The following PCMT1 variants were observed in gnomAD, a reference collection of about 807,000 sequenced individuals.
PCMT1 encodes the protein protein-L-isoaspartate(D-aspartate) O-methyltransferase.
A neutral mutation model predicts 29.2 loss-of-function variants in PCMT1; 9 were observed. The ratio of observed to expected loss-of-function variants is 0.31; its 90% confidence interval spans 0.19 to 0.54. The LOEUF is 0.54. PCMT1 is among the 20% of genes least tolerant of loss of function. The probability of loss-of-function intolerance (pLI) is 0.95; values close to 1 mark genes in which losing one functional copy is unlikely to be tolerated. For missense variants in PCMT1, 184 were observed against 282.2 expected, an observed-to-expected ratio of 0.65 and a Z score of 2.49; for synonymous variants, 98 against 97.5, an observed-to-expected ratio of 1.00 and a Z score of -0.03.
intron 3 of PCMT1, among the ~76,000 whole-genome samples, chr6:149,778,013 A>T (rs192169941): frequency 4.9e-4 from 73 of 150,272 alleles, no homozygotes; most frequent in African/African-American, 1.6e-3. Context: ...GATAGCTGGG[A>T]TTACAGATAT....
At chr6:149,804,918 T>G (rs1045523252) in intron 7 of PCMT1, among the ~76,000 whole-genome samples, 1 of 152,128 alleles carries the variant, frequency 6.6e-6, no homozygotes, top group Non-Finnish European at 1.5e-5. Context: ...TGAATCCACC[T>G]TTGATAAAAC....
intron 3 of PCMT1, among the ~76,000 whole-genome samples, chr6:149,778,606 T>C (rs1009535404): frequency 6.6e-5 from 10 of 152,106 alleles, no homozygotes; most frequent in African/African-American, 2.4e-4. Flanking sequence ...AGCATGATGA[T>C]GGCCCACTGC....
chr6:149,775,229 T>C (rs1274755381), intron 3 of PCMT1, among the ~76,000 whole-genome samples: 2 of 152,282 alleles, frequency 1.3e-5, no homozygotes, highest in East Asian at 3.9e-4. Context: ...AAATTCTATA[T>C]GTATTTATAG....
chr6:149,795,308 A>G lies in PCMT1; in HGVS notation c.419-1107A>G, dbSNP rs569196252. ...CCTTGTTCTCCAAAAGCCTCTCCAG[A>G]TGGTTCCATTAGCAGTACTGGGAAC... On this transcript the variant is annotated intron_variant, in intron 5 of 7. Coordinates refer to ENST00000464889, the MANE Select transcript of PCMT1 (RefSeq NM_001360452.2). 7.7e-5 allele frequency: 30 copies of G among 388,996 alleles called. 1 individual carries two copies. The highest frequency in any genetic ancestry group is 7.2e-4 in the South Asian group (29 of 40,288). 24.1% of individuals were successfully genotyped at this position (388,996 alleles called of 1,614,324 possible).
chr6:149,787,928 G>T (rs975601432), intron 3 of PCMT1, among the ~76,000 whole-genome samples: 16 of 151,290 alleles, frequency 1.1e-4, no homozygotes, highest in Non-Finnish European at 1.6e-4. Context: ...AACTTTTTTT[G>T]AGATGGAGTC....
intron 3 of PCMT1, among the ~76,000 whole-genome samples, chr6:149,777,794 ACTTT>A (rs915606427): frequency 3.5e-4 from 52 of 147,550 alleles, no homozygotes; most frequent in African/African-American, 1.1e-3. Flanking sequence ...GCTTTCTTTG[ACTTT>A]CTTTCTTTGT....
In PCMT1 at chr6:149,761,481, A is replaced by G. The variant is rs114787059; in HGVS notation, c.56-9681A>G. Among the ~76,000 whole-genome samples the G allele has an allele frequency of 8.1e-3, 1,231 of 152,214 alleles. 17 individuals are homozygous for G. Among genetic ancestry groups the G allele is most frequent in the African/African-American group, 0.028 (1,172 of 41,528 alleles). ...TTTTGGTTCTTGTGATTATCTTCAT[A>G]TCTCTAAATCATATGCTTAAACTGA... is the stretch of plus-strand genomic sequence containing the variant. On this transcript the variant is annotated intron_variant, in intron 1 of 7. Coordinates refer to ENST00000464889, the MANE Select transcript of PCMT1 (RefSeq NM_001360452.2).
intron 6 of PCMT1, chr6:149,797,478 A>G (rs1788662929): frequency 6.6e-6 from 1 of 151,754 alleles, no homozygotes; most frequent in Non-Finnish European, 1.5e-5. Flanking sequence ...TGAGCCTAGG[A>G]GTTTGAGACC....
chr6:149,776,433 G>T (rs1787571282), intron 3 of PCMT1, among the ~76,000 whole-genome samples: 1 of 151,902 alleles, frequency 6.6e-6, no homozygotes, highest in Admixed American at 6.6e-5. Flanking sequence ...TGTATTTTTA[G>T]TAGAGATGGG....
chr6:149,786,052 C>G (rs1165685351), intron 3 of PCMT1, among the ~76,000 whole-genome samples: 1 of 146,976 alleles, frequency 6.8e-6, no homozygotes, highest in African/African-American at 2.5e-5. Context: ...CCCCCCACCT[C>G]CCTCCCGGAC....
chr6:149,806,041 G>A (rs951308886), intron 7 of PCMT1, among the ~76,000 whole-genome samples: 1 of 149,966 alleles, frequency 6.7e-6, no homozygotes, highest in Non-Finnish European at 1.5e-5. Context: ...TTTTTCTGTT[G>A]TAGATGCTTT....
chr6:149,761,173 T>A (rs1786723763), intron 1 of PCMT1, among the ~76,000 whole-genome samples: 1 of 119,696 alleles, frequency 8.4e-6, no homozygotes. Context: ...AGATAAAACA[T>A]GAAATACACA....
At chr6:149,789,066 A>ATTTTTTTTTTT (rs56661461) in intron 3 of PCMT1, among the ~76,000 whole-genome samples, 1 of 90,504 alleles carries the variant, frequency 1.1e-5, no homozygotes, top group Non-Finnish European at 2.0e-5. Flanking sequence ...ATTGGATCTG[A>ATTTTTTTTTTT]TTTTTTTTTT....
rs1343595366 is a variant in PCMT1, at chr6:149,793,632, T to C, written c.381T>C (p.Asp127=). The C allele has an allele frequency of 2.6e-6, 4 of 1,566,352 alleles. No individual in the cohort carries two copies. The African/African-American group carries it at 4.2e-5, about 17-fold the overall frequency. ...CAGTAAATAATGTCAGGAAGGACGATCCAACACTTCTGTCTTCAGGGAGAG... is the reference window on the plus strand; with the variant it reads ...CAGTAAATAATGTCAGGAAGGACGACCCAACACTTCTGTCTTCAGGGAGAG... ...DDSVNNVRKD[D]PTLLSSGRVQ... Residue 127 remains aspartate (D), a synonymous_variant, in exon 5 of 8, where the codon GAT becomes GAC. Coordinates refer to ENST00000464889, the MANE Select transcript of PCMT1 (RefSeq NM_001360452.2).
intron 1 of PCMT1, among the ~76,000 whole-genome samples, chr6:149,763,604 T>C (rs1329286821): frequency 6.6e-6 from 1 of 152,154 alleles, no homozygotes; most frequent in East Asian, 1.9e-4. Flanking sequence ...ATAAATTTGA[T>C]AGAAGTATAT....
At chr6:149,809,921 G>C (rs1776118168) in intron 7 of PCMT1, 1 of 152,040 alleles carries the variant, frequency 6.6e-6, no homozygotes, top group Non-Finnish European at 1.5e-5. Context: ...TATGAGGCTT[G>C]TGGGCTTCTC....
chr6:149,808,399 G>A (rs908970601), intron 7 of PCMT1, among the ~76,000 whole-genome samples: 6 of 152,068 alleles, frequency 3.9e-5, no homozygotes, highest in Non-Finnish European at 5.9e-5. Flanking sequence ...AAGTTACATG[G>A]ATTTTAGAGT....
intron 1 of PCMT1, among the ~76,000 whole-genome samples, chr6:149,752,831 G>A (rs1382698304): frequency 6.6e-6 from 1 of 152,090 alleles, no homozygotes; most frequent in Non-Finnish European, 1.5e-5. Context: ...GGCCAAATTT[G>A]TGGTAAGCCA....
At chr6:149,790,421 C>T (rs986235741) in intron 4 of PCMT1, among the ~76,000 whole-genome samples, 1 of 152,028 alleles carries the variant, frequency 6.6e-6, no homozygotes, top group African/African-American at 2.4e-5. Context: ...AAGCTCTACC[C>T]TTGTAATCAC....
Sources: allele counts gnomAD v4.1 joint callset (sites outside exome capture counted in the v4.1 genomes callset), GRCh38; gene constraint gnomAD v4.1.1; transcripts MANE v1.5; gene names NCBI Gene and HGNC (gene_info 2026-07-23, HGNC 2026-07-21).